The following DENND4A variants were observed in gnomAD, a reference collection of about 807,000 sequenced individuals.
DENND4A encodes DENN domain containing 4A.
A neutral mutation model predicts 199.3 loss-of-function variants in DENND4A; 70 were observed. That is an observed-to-expected ratio of 0.35 (90% confidence interval 0.29 to 0.43). DENND4A has a LOEUF of 0.43. Ranked by LOEUF, DENND4A falls within the 20% of genes least tolerant of loss-of-function variation. The probability of loss-of-function intolerance (pLI) is 1.00; values close to 1 mark genes in which losing one functional copy is unlikely to be tolerated. For synonymous variants in DENND4A, 686 were observed against 766.9 expected, an observed-to-expected ratio of 0.89 and a Z score of 1.74; for missense variants, 1,723 against 2,255.8, an observed-to-expected ratio of 0.76 and a Z score of 4.78.
intron 32 of DENND4A, 87 bp from the exon 33 acceptor site, chr15:65,662,074 A>G: frequency 9.0e-7 from 1 of 1,116,452 alleles, no homozygotes; most frequent in Non-Finnish European, 1.3e-6. Context: ...CTACAGAAAC[A>G]CAACATTAGA....
At chr15:65,672,947 G>A (rs1471315521) in intron 24 of DENND4A, among the ~76,000 whole-genome samples, 1 of 150,914 alleles carries the variant, frequency 6.6e-6, no homozygotes, top group Admixed American at 6.6e-5. Context: ...TGCAACCTCC[G>A]CCTCCTGGGT....
chr15:65,663,077 G>A (rs970476488), intron 32 of DENND4A, among the ~76,000 whole-genome samples: 2 of 151,400 alleles, frequency 1.3e-5, no homozygotes, highest in African/African-American at 4.9e-5. Context: ...TTTTGGTTAA[G>A]TTCTGGCATC....
chr15:65,667,918 T>C lies in DENND4A; in HGVS notation c.4986+7A>G. 2 of 1,592,024 alleles carry C rather than the reference T, an allele frequency of 1.3e-6. No individual in the cohort carries two copies. The highest frequency in any genetic ancestry group is 1.7e-6 in the Non-Finnish European group (2 of 1,175,218). The stretch of plus-strand genomic sequence containing the variant: ...TTCCAAATAAAAAAATACACCAAAA[T>C]ACATACTGTAGCTCCTTGTAAAGTA... On this transcript the variant is annotated splice_region_variant and intron_variant, in intron 28 of 32. Transcript: ENST00000443035.
chr15:65,699,492 G>T (rs574456589), intron 20 of DENND4A, among the ~76,000 whole-genome samples: 124 of 151,130 alleles, frequency 8.2e-4, no homozygotes, highest in Non-Finnish European at 1.6e-3. Flanking sequence ...GCCATCTTCG[G>T]CACTATAATT....
intron 20 of DENND4A, 101 bp from the exon 21 acceptor site, chr15:65,697,484 T>A: frequency 1.4e-6 from 1 of 724,534 alleles, no homozygotes; most frequent in Non-Finnish European, 2.3e-6. Context: ...CCTTATAAAT[T>A]TTTTTCTGGA....
chr15:65,741,577 C>G, intron 5 of DENND4A, 138 bp downstream of exon 5: 1 of 544,964 alleles, frequency 1.8e-6, no homozygotes, highest in East Asian at 3.1e-5. Flanking sequence ...TAAGTGAAGA[C>G]AAAAATGAGA....
intron 15 of DENND4A, among the ~76,000 whole-genome samples, chr15:65,703,376 AC>A (rs976173341): frequency 2.0e-5 from 3 of 152,050 alleles, no homozygotes; most frequent in African/African-American, 7.2e-5. Flanking sequence ...CCAAATTAAG[AC>A]TCTTTCAAAA....
At chr15:65,773,002 C>CAA (rs61241995) in intron 1 of DENND4A, among the ~76,000 whole-genome samples, 8,109 of 101,592 alleles carry the variant, frequency 0.08, 1,673 homozygotes, top group Non-Finnish European at 0.12. Context: ...TGTTTCTAAG[C>CAA]AAAAAAAAAA....
At chr15:65,719,695 G>A (rs2075545386) in intron 12 of DENND4A, among the ~76,000 whole-genome samples, 2 of 151,346 alleles carry the variant, frequency 1.3e-5, no homozygotes, top group Non-Finnish European at 2.9e-5. Flanking sequence ...TTCAAGACCA[G>A]CATGGCAATA....
chr15:65,721,391 G>A (rs2075638576), intron 12 of DENND4A, among the ~76,000 whole-genome samples: 1 of 151,924 alleles, frequency 6.6e-6, no homozygotes, highest in Admixed American at 6.6e-5. Context: ...ACACTATGAT[G>A]AATCCTCAAG....
In DENND4A at chr15:65,695,391, C is replaced by T. The variant is rs187199139; in HGVS notation, c.3082+975G>A. On this transcript the variant is annotated intron_variant, in intron 22 of 32. Coordinates refer to ENST00000443035, the MANE Select transcript of DENND4A (RefSeq NM_001320835.1). ...TGAATTTCATAAAATTTTCATGTGT[C>T]CCACAATATTAGTCTCTTTTGATTA... Among the ~76,000 whole-genome samples the T allele has an allele frequency of 3.3e-5, 5 of 152,214 alleles. No individual in the cohort carries two copies. The East Asian group carries it at 7.7e-4, about 23-fold the overall frequency.
intron 1 of DENND4A, among the ~76,000 whole-genome samples, chr15:65,779,796 T>C (rs1462959414): frequency 2.0e-5 from 3 of 152,214 alleles, no homozygotes; most frequent in African/African-American, 4.8e-5. Context: ...ATTACAGGCA[T>C]ATACCACCAT....
chr15:65,789,509 T>TA (rs11326570), intron 1 of DENND4A, among the ~76,000 whole-genome samples: 1,700 of 142,374 alleles, frequency 0.012, 24 homozygotes, highest in African/African-American at 0.037. Context: ...GGTATTAGAT[T>TA]AAAAAAAAAA....
At chr15:65,719,599 T>G (rs1023929722) in intron 12 of DENND4A, among the ~76,000 whole-genome samples, 1 of 152,102 alleles carries the variant, frequency 6.6e-6, no homozygotes, top group African/African-American at 2.4e-5. Context: ...GTCAAAGATG[T>G]GTGACCTGGG....
rs768007548 is a variant in DENND4A, at chr15:65,701,009, CAATT to C, written c.2701+38_2701+41del. On this transcript the variant is annotated intron_variant, in intron 19 of 32. Transcript: ENST00000443035. ...TCTAAAAATGTAAACTGTAGCTAAT[CAATT>C]AATTTTGAAGAACAAGTAAAACACA... 45 of 1,550,124 alleles carry C rather than the reference CAATT, an allele frequency of 2.9e-5. No homozygotes were observed. In the African/African-American group the frequency reaches 5.6e-4, roughly 19 times the overall value.
At chr15:65,747,525 C>T (rs1191520505) in intron 4 of DENND4A, among the ~76,000 whole-genome samples, 1 of 152,034 alleles carries the variant, frequency 6.6e-6, no homozygotes, top group Non-Finnish European at 1.5e-5. Context: ...CACTCTAGAA[C>T]CAGAGTTTGT....
chr15:65,716,349 C>A (rs574011621), intron 13 of DENND4A, among the ~76,000 whole-genome samples: 1 of 150,076 alleles, frequency 6.7e-6, no homozygotes, highest in African/African-American at 2.4e-5. Flanking sequence ...CACCCATTAA[C>A]TCATCATTTA....
Position 65,698,713 on chromosome 15 carries a change from A to G in DENND4A, c.2834-1330T>C, listed in dbSNP as rs1055892878. On this transcript the variant is annotated intron_variant, in intron 20 of 32. Coordinates refer to ENST00000443035, the MANE Select transcript of DENND4A (RefSeq NM_001320835.1). ...TCATGCTTTTATTAGGTTTTACACTATTTTAAGATAGCCTTTTTTTTTTTT... is the reference window on the plus strand; with the variant it reads ...TCATGCTTTTATTAGGTTTTACACTGTTTTAAGATAGCCTTTTTTTTTTTT... Among the ~76,000 whole-genome samples, 11 of 111,656 alleles carry G rather than the reference A, an allele frequency of 9.9e-5. No homozygotes were observed. In the East Asian group the frequency reaches 1.3e-3, roughly 14 times the overall value. The allele number at this position is 111,656 out of a possible 152,430, so 73.3% of individuals were successfully genotyped here.
At chr15:65,767,518 T>C (rs772738520) in intron 1 of DENND4A, 2 of 152,184 alleles carry the variant, frequency 1.3e-5, no homozygotes, top group Non-Finnish European at 2.9e-5. Flanking sequence ...TTATAGCTCA[T>C]TGCAGCCTCA....
Sources: gnomAD v4.1 joint callset for allele counts (sites outside exome capture counted in the v4.1 genomes callset) on GRCh38, gnomAD v4.1.1 for gene constraint, MANE v1.5 for transcripts, NCBI Gene and HGNC (gene_info 2026-07-23, HGNC 2026-07-21) for gene names.